The following CREB5 variants were observed in gnomAD, a reference collection of about 807,000 sequenced individuals.
CREB5 encodes cyclic AMP-responsive element-binding protein 5.
In CREB5, 19 loss-of-function variants were observed where a neutral mutation model predicts 57.1. The observed-to-expected ratio is 0.33, with a 90% CI of 0.23 to 0.49. The LOEUF (loss-of-function observed/expected upper bound fraction) is 0.49, where lower values mean the gene tolerates loss of function less well. Among genes scored for constraint, CREB5 ranks in the 20% least tolerant of loss-of-function variants. The probability of loss-of-function intolerance (pLI) is 0.99; values close to 1 mark genes in which losing one functional copy is unlikely to be tolerated. For synonymous variants in CREB5, 238 were observed against 238.3 expected (o/e 1.00, Z 0.01); for missense variants, 579 against 671.6 (o/e 0.86, Z 1.52).
intron 4 of CREB5, among the ~76,000 whole-genome samples, chr7:28,528,598 G>C (rs1201684185): frequency 6.6e-6 from 1 of 151,686 alleles, no homozygotes; most frequent in Non-Finnish European, 1.5e-5. Context: ...CAGCTACTCG[G>C]GAGGCTGAGG....
chr7:28,439,006 A>G (rs7790864), intron 1 of CREB5, among the ~76,000 whole-genome samples: 61,800 of 152,040 alleles, frequency 0.41, 13,003 homozygotes, highest in African/African-American at 0.49. Flanking sequence ...TCCTTGGTGA[A>G]CAACCAAAAT....
At chr7:28,431,551 C>T (rs1788714775) in intron 1 of CREB5, among the ~76,000 whole-genome samples, 1 of 152,108 alleles carries the variant, frequency 6.6e-6, no homozygotes, top group South Asian at 2.1e-4. Context: ...AGCAAGAAAG[C>T]ATTTGAAAGG....
intron 4 of CREB5, among the ~76,000 whole-genome samples, chr7:28,554,796 T>C (rs1794794091): frequency 6.6e-6 from 1 of 152,190 alleles, no homozygotes; most frequent in African/African-American, 2.4e-5. Context: ...TGGCTAAGTG[T>C]GCCACAAGCT....
At chr7:28,760,365 G>A (rs1583685370) in intron 7 of CREB5, among the ~76,000 whole-genome samples, 1 of 152,210 alleles carries the variant, frequency 6.6e-6, no homozygotes, top group African/African-American at 2.4e-5. Context: ...ATCATGGCAG[G>A]TTAAGACAGT....
At chr7:28,650,210 C>T (rs77766020) in intron 5 of CREB5, among the ~76,000 whole-genome samples, 2,613 of 152,242 alleles carry the variant, frequency 0.017, 34 homozygotes, top group Non-Finnish European at 0.026. Flanking sequence ...TTGTTAAACA[C>T]CTTCTTTGTG....
chr7:28,490,514 T>A (rs1018415704), intron 2 of CREB5, among the ~76,000 whole-genome samples: 2 of 152,188 alleles, frequency 1.3e-5, no homozygotes, highest in Non-Finnish European at 2.9e-5. Context: ...ATATCTAATA[T>A]TTAGGTAAGT....
At chr7:28,560,941 CGTGTGTGTGCGTGTGTGTGCGTGTGTGT>C (rs1562798028) in intron 4 of CREB5, among the ~76,000 whole-genome samples, 1,114 of 44,460 alleles carry the variant, frequency 0.025, 71 homozygotes, top group Middle Eastern at 0.078. Flanking sequence ...TGTGTGCGTG[CGTGTGTGTGCGTGTGTGTGCGTGTGTGT>C]GTGCGTGTGT....
intron 5 of CREB5, chr7:28,615,506 T>A (rs1797563062): frequency 6.6e-6 from 1 of 152,362 alleles, no homozygotes; most frequent in Non-Finnish European, 1.5e-5. Context: ...TCAACCAGGA[T>A]GTTGGCCTTG....
chr7:28,614,055 C>A (rs41283), intron 5 of CREB5, among the ~76,000 whole-genome samples: 1 of 152,114 alleles, frequency 6.6e-6, no homozygotes, highest in East Asian at 1.9e-4. Context: ...GAACTACCAG[C>A]CTCAAGAGAT....
At chr7:28,684,440 A>AC (rs1800750553) in intron 5 of CREB5, among the ~76,000 whole-genome samples, 1 of 151,906 alleles carries the variant, frequency 6.6e-6, no homozygotes, top group Non-Finnish European at 1.5e-5. Flanking sequence ...CCCCACCCCA[A>AC]CCCCCAGGGT....
chr7:28,600,352 T>C (rs1796868668), intron 5 of CREB5, among the ~76,000 whole-genome samples: 1 of 141,430 alleles, frequency 7.1e-6, no homozygotes, highest in Non-Finnish European at 1.5e-5. Flanking sequence ...AAGACCTAAA[T>C]TTAATCAGAG....
intron 4 of CREB5, among the ~76,000 whole-genome samples, chr7:28,535,609 G>A (rs2128624673): frequency 6.6e-6 from 1 of 151,748 alleles, no homozygotes; most frequent in East Asian, 1.9e-4. Context: ...AAATTAATTT[G>A]TATAGGAGAG....
chr7:28,789,431 G>GAAT (rs1807534289), intron 7 of CREB5, among the ~76,000 whole-genome samples: 1 of 152,100 alleles, frequency 6.6e-6, no homozygotes, highest in Non-Finnish European at 1.5e-5. Context: ...CATCCTCACT[G>GAAT]GGGATGTCTT....
At chr7:28,669,234 A>T (rs913728454) in intron 5 of CREB5, among the ~76,000 whole-genome samples, 70 of 152,212 alleles carry the variant, frequency 4.6e-4, no homozygotes, top group African/African-American at 1.6e-3. Flanking sequence ...TCTAGCCAAA[A>T]CTTACAGGGT....
intron 1 of CREB5, among the ~76,000 whole-genome samples, chr7:28,476,998 C>G (rs1433186988): frequency 6.6e-6 from 1 of 152,244 alleles, no homozygotes; most frequent in Non-Finnish European, 1.5e-5. Context: ...AGGGCAGGAA[C>G]TGTTTGTGCC....
chr7:28,658,953 G>GTGTGTGTATA (rs1400561698), intron 5 of CREB5, among the ~76,000 whole-genome samples: 2 of 99,584 alleles, frequency 2.0e-5, no homozygotes, highest in African/African-American at 6.6e-5. Flanking sequence ...GTGTGTGTGT[G>GTGTGTGTATA]TATATATATA....
chr7:28,802,105 A>AAAAAG (rs55754461), intron 7 of CREB5, among the ~76,000 whole-genome samples: 2 of 147,180 alleles, frequency 1.4e-5, no homozygotes, highest in Non-Finnish European at 3.0e-5. Flanking sequence ...AAAAAAAAAA[A>AAAAAG]GGAGGAAACA....
chr7:28,680,711 A>G (rs1399663314), intron 5 of CREB5, among the ~76,000 whole-genome samples: 1 of 151,538 alleles, frequency 6.6e-6, no homozygotes, highest in African/African-American at 2.4e-5. Context: ...GTGAACTGAA[A>G]TCATGCCACT....
intron 1 of CREB5, among the ~76,000 whole-genome samples, chr7:28,348,406 T>TCACACA (rs1300372973): frequency 3.1e-4 from 10 of 32,118 alleles, no homozygotes; most frequent in African/African-American, 9.6e-4. Flanking sequence ...TGTCTCTCTC[T>TCACACA]CTCACACACA....
Sources: gnomAD v4.1 joint callset for allele counts (sites outside exome capture counted in the v4.1 genomes callset) on GRCh38, gnomAD v4.1.1 for gene constraint, MANE v1.5 for transcripts, NCBI Gene and HGNC (gene_info 2026-07-23, HGNC 2026-07-21) for gene names.